The following CACNA2D3 variants were observed in gnomAD, a reference collection of about 807,000 sequenced individuals.
CACNA2D3 encodes the protein calcium voltage-gated channel auxiliary subunit alpha2delta 3, also known as voltage-dependent calcium channel subunit alpha-2/delta-3.
CACNA2D3 carries 60 observed loss-of-function variants against 160.6 expected under a neutral mutation model. The ratio of observed to expected loss-of-function variants is 0.37; its 90% CI spans 0.30 to 0.46. The LOEUF (loss-of-function observed/expected upper bound fraction) is 0.46. Ranked by LOEUF, CACNA2D3 falls within the 20% of genes least tolerant of loss-of-function variation. The probability of loss-of-function intolerance (pLI) is 1.00; values close to 1 mark genes in which losing one functional copy is unlikely to be tolerated. For synonymous variants in CACNA2D3, 558 were observed against 492.9 expected, an observed-to-expected ratio of 1.13 and a Z score of -1.75; for missense variants, 1,205 against 1,365.0, an observed-to-expected ratio of 0.88 and a Z score of 1.85.
chr3:54,306,187 C>T (rs1342442455), intron 2 of CACNA2D3, among the ~76,000 whole-genome samples: 4 of 152,110 alleles, frequency 2.6e-5, no homozygotes. Context: ...CAACCCGAAG[C>T]TCCAAAAATC....
chr3:54,138,666 G>A (rs574623134), intron 2 of CACNA2D3, among the ~76,000 whole-genome samples: 1 of 152,288 alleles, frequency 6.6e-6, no homozygotes, highest in South Asian at 2.1e-4. Context: ...CTGATTGAGT[G>A]TATGAGGATA....
chr3:54,493,236 C>T lies in CACNA2D3; in HGVS notation c.382-10256C>T, dbSNP rs141931062. Among the ~76,000 whole-genome samples the T allele has an allele frequency of 5.2e-3, 788 of 151,890 alleles. 8 individuals are homozygous for T. The highest frequency in any genetic ancestry group is 0.017 in the African/African-American group (690 of 41,390). Reference sequence around the variant, plus strand: ...GGGACTACAGGCGCACACTACCACACCCGGCTAATTTTTGTATTTTAATAG... The same window carrying T: ...GGGACTACAGGCGCACACTACCACATCCGGCTAATTTTTGTATTTTAATAG... On this transcript the variant is annotated intron_variant, in intron 4 of 37. Transcript: ENST00000474759.
At chr3:54,828,891 A>G (rs116137575) in intron 14 of CACNA2D3, among the ~76,000 whole-genome samples, 1,766 of 152,348 alleles carry the variant, frequency 0.012, 38 homozygotes, top group African/African-American at 0.04. Context: ...TTTTTGTAGC[A>G]TTCTCAAGAT....
At chr3:54,857,304 G>A (rs1167422038) in intron 17 of CACNA2D3, among the ~76,000 whole-genome samples, 1 of 152,130 alleles carries the variant, frequency 6.6e-6, no homozygotes, top group Non-Finnish European at 1.5e-5. Context: ...GTCGTTGCTG[G>A]TACTGCCCCG....
chr3:54,249,105 C>T (rs75861158), intron 2 of CACNA2D3, among the ~76,000 whole-genome samples: 2 of 152,068 alleles, frequency 1.3e-5, no homozygotes, highest in Non-Finnish European at 2.9e-5. Context: ...CATGGAGAGA[C>T]TTTGCATCCC....
intron 2 of CACNA2D3, among the ~76,000 whole-genome samples, chr3:54,237,026 C>G (rs1246778177): frequency 2.1e-5 from 3 of 143,432 alleles, no homozygotes; most frequent in Non-Finnish European, 4.5e-5. Flanking sequence ...TTTTTTTTAA[C>G]ATGCAAAACA....
chr3:54,402,755 G>T (rs1194460591), intron 4 of CACNA2D3, among the ~76,000 whole-genome samples: 1 of 152,126 alleles, frequency 6.6e-6, no homozygotes, highest in Non-Finnish European at 1.5e-5. Context: ...TACTGTAATT[G>T]AACTGCACTT....
At chr3:54,913,527 C>T (rs527715391) in intron 27 of CACNA2D3, among the ~76,000 whole-genome samples, 1 of 152,214 alleles carries the variant, frequency 6.6e-6, no homozygotes, top group African/African-American at 2.4e-5. Context: ...TGGAGACTGC[C>T]TTTTCCAGCC....
In CACNA2D3 at chr3:55,073,850, C is replaced by T; in HGVS notation, c.3174C>T (p.Phe1058=). Residue 1058 remains phenylalanine, a synonymous_variant, in exon 37 of 38, where the codon TTC becomes TTT. Coordinates refer to ENST00000474759, the MANE Select transcript of CACNA2D3 (RefSeq NM_018398.3). The part of the protein sequence containing the change: ...IRRRPESCHG[F]HPEENARECG... Reference sequence around the variant, plus strand: ...GGCGCCCAGAATCTTGTCATGGCTTCCATCCTGAGGTAAGTCTGAGAACTG... The same window carrying T: ...GGCGCCCAGAATCTTGTCATGGCTTTCATCCTGAGGTAAGTCTGAGAACTG... The T allele has an allele frequency of 6.2e-7, 1 of 1,613,276 alleles. No homozygotes were observed. Among genetic ancestry groups the T allele is most frequent in the Non-Finnish European group, 8.5e-7 (1 of 1,179,370 alleles).
At chr3:54,846,351 G>C in intron 16 of CACNA2D3, 42 bp from the exon 17 acceptor site, 1 of 1,333,134 alleles carries the variant, frequency 7.5e-7, no homozygotes, top group East Asian at 2.4e-5. Context: ...AATTCACCAG[G>C]GAGCAAGCTA....
At chr3:54,360,509 G>A (rs1288960714) in intron 3 of CACNA2D3, among the ~76,000 whole-genome samples, 1 of 152,114 alleles carries the variant, frequency 6.6e-6, no homozygotes, top group African/African-American at 2.4e-5. Flanking sequence ...CTTGTGGCAG[G>A]ACTCAGGCTG....
At chr3:54,548,165 C>T (rs1236015449) in intron 5 of CACNA2D3, among the ~76,000 whole-genome samples, 16 of 152,160 alleles carry the variant, frequency 1.1e-4, no homozygotes, top group Admixed American at 1.0e-3. Context: ...CCAGTCCCAG[C>T]AGGTCATGGG....
rs867775325 is a variant in CACNA2D3 at position 54,459,986 on chromosome 3, C to A, written c.382-43506C>A. On this transcript the variant is annotated intron_variant, in intron 4 of 37. Coordinates refer to ENST00000474759, the MANE Select transcript of CACNA2D3 (RefSeq NM_018398.3). ...GGAAGGGATCCAGTTTCAGCTTTCTCCATATGGCTAGCCAGTTTTCCCAGC... is the reference window on the plus strand; with the variant it reads ...GGAAGGGATCCAGTTTCAGCTTTCTACATATGGCTAGCCAGTTTTCCCAGC... Among the ~76,000 whole-genome samples the A allele has an allele frequency of 5.5e-3, 841 of 151,998 alleles. 11 individuals carry two copies. The highest frequency in any genetic ancestry group is 0.019 in the African/African-American group (790 of 41,434).
At chr3:54,599,196 C>T (rs1703017977) in intron 9 of CACNA2D3, among the ~76,000 whole-genome samples, 3 of 152,138 alleles carry the variant, frequency 2.0e-5, no homozygotes, top group African/African-American at 7.2e-5. Context: ...GGTTGCCACT[C>T]CTGACTTTCC....
At chr3:54,497,702 GCTT>G (rs1247208780) in intron 4 of CACNA2D3, among the ~76,000 whole-genome samples, 1 of 151,922 alleles carries the variant, frequency 6.6e-6, no homozygotes, top group Non-Finnish European at 1.5e-5. Context: ...AACATTCAGT[GCTT>G]CTTCATCAAT....
At chr3:54,258,239 T>C (rs1702338473) in intron 2 of CACNA2D3, among the ~76,000 whole-genome samples, 1 of 152,176 alleles carries the variant, frequency 6.6e-6, no homozygotes, top group African/African-American at 2.4e-5. Context: ...TTGGGCCCTG[T>C]GAGAATTGAT....
At chr3:54,693,706 T>TG (rs1700607382) in intron 11 of CACNA2D3, among the ~76,000 whole-genome samples, 1 of 152,176 alleles carries the variant, frequency 6.6e-6, no homozygotes, top group Middle Eastern at 3.2e-3. Flanking sequence ...AGGTAGAAGA[T>TG]GGGGATATTG....
intron 13 of CACNA2D3, among the ~76,000 whole-genome samples, chr3:54,803,319 T>G (rs1454648962): frequency 6.6e-6 from 1 of 151,942 alleles, no homozygotes; most frequent in Non-Finnish European, 1.5e-5. Context: ...TGAAAAAAAT[T>G]TAGACGAATG....
At chr3:55,044,079 G>A (rs2107195011) in intron 35 of CACNA2D3, among the ~76,000 whole-genome samples, 1 of 152,164 alleles carries the variant, frequency 6.6e-6, no homozygotes, top group South Asian at 2.1e-4. Context: ...AATGCCTTTG[G>A]CTATTCTAGT....
Sources: allele counts gnomAD v4.1 joint callset (sites outside exome capture counted in the v4.1 genomes callset), GRCh38; gene constraint gnomAD v4.1.1; transcripts MANE v1.5; gene names NCBI Gene and HGNC (gene_info 2026-07-23, HGNC 2026-07-21).